The following NALF1 variants were observed in gnomAD, a reference collection of about 807,000 sequenced individuals.
NALF1 encodes NALCN channel auxiliary factor 1, also known as family with sequence similarity 155 member A.
In NALF1, 3 loss-of-function variants were observed where a neutral mutation model predicts 48.4. The observed-to-expected ratio is 0.06, with a 90% CI of 0.03 to 0.16. NALF1 has a LOEUF of 0.16. NALF1 is among the 10% of genes least tolerant of loss of function. NALF1 has a pLI of 1.00. For missense variants in NALF1, 526 were observed against 571.5 expected (o/e 0.92, Z 0.81); for synonymous variants, 262 against 245.7 (o/e 1.07, Z -0.62).
chr13:107,633,227 C>T (rs1879880479), intron 1 of NALF1, among the ~76,000 whole-genome samples: 1 of 151,958 alleles, frequency 6.6e-6, no homozygotes, highest in Non-Finnish European at 1.5e-5. Context: ...TAAAGCTCTT[C>T]ATGTATATGA....
At chr13:107,819,587 C>T (rs761380072) in intron 1 of NALF1, among the ~76,000 whole-genome samples, 1 of 152,060 alleles carries the variant, frequency 6.6e-6, no homozygotes, top group Non-Finnish European at 1.5e-5. Context: ...CCATTGGCCA[C>T]GGAGCAAGGT....
intron 1 of NALF1, among the ~76,000 whole-genome samples, chr13:107,802,664 G>GT (rs988401064): frequency 1.3e-5 from 2 of 151,480 alleles, no homozygotes; most frequent in African/African-American, 4.9e-5. Flanking sequence ...CAAGAGCCAT[G>GT]TTTTTTTATA....
intron 1 of NALF1, among the ~76,000 whole-genome samples, chr13:107,625,794 G>A (rs1257645312): frequency 6.6e-6 from 1 of 152,054 alleles, no homozygotes; most frequent in African/African-American, 2.4e-5. Context: ...GTTGAAAAAT[G>A]AAAATTCATT....
chr13:107,293,044 G>A (rs1386532597), intron 1 of NALF1, among the ~76,000 whole-genome samples: 3 of 143,302 alleles, frequency 2.1e-5, no homozygotes, highest in Non-Finnish European at 3.0e-5. Context: ...GCAGTGGCAC[G>A]ATCTCAGCTC....
chr13:107,322,210 C>T (rs1185884722), intron 1 of NALF1, among the ~76,000 whole-genome samples: 1 of 152,112 alleles, frequency 6.6e-6, no homozygotes, highest in Non-Finnish European at 1.5e-5. Flanking sequence ...TCCTCTTCAA[C>T]AACATTTTCT....
rs1875988204 is a variant in NALF1 at position 107,514,362 on chromosome 13, T to C, written c.916-303607A>G. Among the ~76,000 whole-genome samples the C allele has an allele frequency of 2.0e-5, 3 of 152,160 alleles. No homozygotes were observed. In the South Asian group the frequency reaches 6.2e-4, roughly 32 times the overall value. ...AGACATCAGACTTACGGGACACATG[T>C]CAATGAACAAATGGGTGTTTGGGTG... On this transcript the variant is annotated intron_variant, in intron 1 of 2. Coordinates refer to ENST00000375915, the MANE Select transcript of NALF1 (RefSeq NM_001080396.3).
At chr13:107,367,775 A>G (rs1316382933) in intron 1 of NALF1, among the ~76,000 whole-genome samples, 1 of 152,222 alleles carries the variant, frequency 6.6e-6, no homozygotes, top group African/African-American at 2.4e-5. Flanking sequence ...TCCGTTGACC[A>G]TCTACTAGGC....
intron 1 of NALF1, among the ~76,000 whole-genome samples, chr13:107,395,328 T>C (rs937194445): frequency 6.6e-6 from 1 of 152,132 alleles, no homozygotes; most frequent in African/African-American, 2.4e-5. Flanking sequence ...CTGGAGATGA[T>C]TCCAGGAAAA....
intron 1 of NALF1, among the ~76,000 whole-genome samples, chr13:107,521,265 G>C (rs1298516889): frequency 6.6e-6 from 1 of 152,098 alleles, no homozygotes. Flanking sequence ...AATTCATCCA[G>C]AGAAAATCTG....
At chr13:107,459,777 G>C (rs1043801303) in intron 1 of NALF1, among the ~76,000 whole-genome samples, 25 of 152,012 alleles carry the variant, frequency 1.6e-4, no homozygotes, top group Admixed American at 1.1e-3. Context: ...GTCTCTCTGT[G>C]TCTCCCAGGC....
intron 1 of NALF1, among the ~76,000 whole-genome samples, chr13:107,777,235 G>C (rs1877761297): frequency 6.6e-6 from 1 of 152,080 alleles, no homozygotes; most frequent in Non-Finnish European, 1.5e-5. Context: ...TATTTTATAG[G>C]TAAGAAAATT....
intron 1 of NALF1, among the ~76,000 whole-genome samples, chr13:107,711,653 A>T (rs1047750190): frequency 6.6e-6 from 1 of 152,248 alleles, no homozygotes; most frequent in East Asian, 1.9e-4. Flanking sequence ...TGCCTTCCTT[A>T]GCACATTGGG....
At chr13:107,218,970 G>A (rs1016073601) in intron 1 of NALF1, among the ~76,000 whole-genome samples, 7 of 152,128 alleles carry the variant, frequency 4.6e-5, no homozygotes, top group Non-Finnish European at 8.8e-5. Context: ...GAATATTAAC[G>A]ATGATAATAA....
intron 1 of NALF1, among the ~76,000 whole-genome samples, chr13:107,854,808 C>T (rs139029493): frequency 0.09 from 13,138 of 146,558 alleles, 661 homozygotes; most frequent in East Asian, 0.14. Flanking sequence ...CGGGAGGCGG[C>T]GGTTGCAGTG....
chr13:107,696,131 A>G (rs548914022), intron 1 of NALF1, among the ~76,000 whole-genome samples: 8 of 152,260 alleles, frequency 5.3e-5, no homozygotes, highest in African/African-American at 1.7e-4. Flanking sequence ...CTCTGATCTC[A>G]GCTAATCTGC....
intron 1 of NALF1, among the ~76,000 whole-genome samples, chr13:107,439,393 C>G (rs937728527): frequency 3.3e-5 from 5 of 152,186 alleles, no homozygotes; most frequent in African/African-American, 1.2e-4. Context: ...CCCTTTAAAC[C>G]TGGTTTTCAC....
intron 1 of NALF1, chr13:107,531,168 TTGTCCTCATCCAAA>T (rs1175367680): frequency 6.0e-6 from 1 of 167,904 alleles, no homozygotes; most frequent in Non-Finnish European, 1.5e-5. Flanking sequence ...GTCCGGATAT[TTGTCCTCATCCAAA>T]TCTCATGTTG....
At chr13:107,747,192 T>C (rs538414481) in intron 1 of NALF1, among the ~76,000 whole-genome samples, 1 of 152,338 alleles carries the variant, frequency 6.6e-6, no homozygotes, top group East Asian at 1.9e-4. Flanking sequence ...ATAATTTCCA[T>C]CTTGAGCCCT....
chr13:107,738,194 A>G (rs1042390154), intron 1 of NALF1, among the ~76,000 whole-genome samples: 1 of 152,202 alleles, frequency 6.6e-6, no homozygotes, highest in Non-Finnish European at 1.5e-5. Context: ...AAAATTATTA[A>G]TAGGATATCC....
Sources: gnomAD v4.1 joint callset for allele counts (sites outside exome capture counted in the v4.1 genomes callset) on GRCh38, gnomAD v4.1.1 for gene constraint, MANE v1.5 for transcripts, NCBI Gene and HGNC (gene_info 2026-07-23, HGNC 2026-07-21) for gene names.